The following ARHGAP42 variants were observed in gnomAD, a reference collection of about 807,000 sequenced individuals.
ARHGAP42 encodes the protein rho GTPase-activating protein 42.
ARHGAP42 carries 63 observed loss-of-function variants against 125.0 expected under a neutral mutation model. The ratio of observed to expected loss-of-function variants is 0.50; its 90% CI spans 0.41 to 0.62. The LOEUF is 0.62. ARHGAP42 is among the 20% of genes least tolerant of loss of function. ARHGAP42 has a pLI of 0.00. For missense variants in ARHGAP42, 766 were observed against 1,024.2 expected (o/e 0.75, Z 3.44); for synonymous variants, 339 against 351.0 (o/e 0.97, Z 0.38).
chr11:100,982,430 C>T (rs1858568578), intron 22 of ARHGAP42, among the ~76,000 whole-genome samples: 2 of 152,168 alleles, frequency 1.3e-5, no homozygotes, highest in Non-Finnish European at 1.5e-5. Flanking sequence ...TTCTTATGTA[C>T]ATGAAAGTTT....
chr11:100,793,198 A>G (rs1863612937), intron 2 of ARHGAP42, among the ~76,000 whole-genome samples: 1 of 152,082 alleles, frequency 6.6e-6, no homozygotes, highest in Non-Finnish European at 1.5e-5. Flanking sequence ...CTCACCAACC[A>G]ACAGCTTCAG....
At chr11:100,815,963 G>A (rs748378410) in intron 3 of ARHGAP42, among the ~76,000 whole-genome samples, 3 of 152,120 alleles carry the variant, frequency 2.0e-5, no homozygotes, top group Non-Finnish European at 4.4e-5. Flanking sequence ...CATTCATGTT[G>A]TAGCATGCGT....
intron 4 of ARHGAP42, among the ~76,000 whole-genome samples, chr11:100,872,435 A>G (rs1463791078): frequency 2.0e-5 from 3 of 151,848 alleles, no homozygotes; most frequent in Non-Finnish European, 4.4e-5. Context: ...TCGCTCTGTC[A>G]CCTAGGCTGG....
At chr11:100,983,002 T>C (rs1858581791) in intron 22 of ARHGAP42, among the ~76,000 whole-genome samples, 1 of 152,178 alleles carries the variant, frequency 6.6e-6, no homozygotes, top group South Asian at 2.1e-4. Context: ...AATGTGAAAA[T>C]TAATGAAGAA....
chr11:100,791,176 C>T (rs1863559862), intron 2 of ARHGAP42, among the ~76,000 whole-genome samples: 1 of 152,130 alleles, frequency 6.6e-6, no homozygotes, highest in Non-Finnish European at 1.5e-5. Flanking sequence ...GAAGTTCTAA[C>T]CCTGGCCTCT....
chr11:100,853,116 A>T (rs1865243785), intron 3 of ARHGAP42, among the ~76,000 whole-genome samples: 1 of 152,230 alleles, frequency 6.6e-6, no homozygotes, highest in Admixed American at 6.5e-5. Context: ...TTAAATGCAT[A>T]CATTTTGGTC....
chr11:100,782,933 C>T (rs575703373), intron 2 of ARHGAP42, among the ~76,000 whole-genome samples: 4 of 152,274 alleles, frequency 2.6e-5, no homozygotes, highest in African/African-American at 4.8e-5. Flanking sequence ...TTTAATTCCT[C>T]ACACAAAGCA....
In ARHGAP42 at chr11:100,832,046, C is replaced by T. The variant is rs78665094; in HGVS notation, c.313-27508C>T. Among the ~76,000 whole-genome samples, 355 of 152,342 alleles carry T rather than the reference C, an allele frequency of 2.3e-3. 8 individuals carry two copies. The East Asian group carries it at 0.034, about 15-fold the overall frequency. On this transcript the variant is annotated intron_variant, in intron 3 of 23. Coordinates refer to ENST00000298815, the MANE Select transcript of ARHGAP42 (RefSeq NM_152432.4). ...TGGGTCTGTTTCCCCTTGTGCAGCA[C>T]GTGTGTGCTGGATGATTGGCTCAGT...
At chr11:100,974,352 C>T in intron 18 of ARHGAP42, 107 bp from the exon 19 acceptor site, 2 of 1,038,118 alleles carry the variant, frequency 1.9e-6, no homozygotes, top group Non-Finnish European at 2.7e-6. Flanking sequence ...CTCTAGGATA[C>T]TTATATTTTG....
rs145884787 is a variant in ARHGAP42, at chr11:100,745,821, T to A, written c.155-24522T>A. 8.1e-3 allele frequency among the ~76,000 whole-genome samples: 1,239 copies of A among 152,344 alleles called. 17 individuals carry two copies. The highest frequency in any genetic ancestry group is 0.028 in the African/African-American group (1,167 of 41,582). Reference sequence around the variant, plus strand: ...TCTCTAGTGTAGTTAATAGATCGCTTTTGGTTGTAATAGATGTAGTTTATC... The same window carrying A: ...TCTCTAGTGTAGTTAATAGATCGCTATTGGTTGTAATAGATGTAGTTTATC... On this transcript the variant is annotated intron_variant, in intron 1 of 23. Coordinates refer to ENST00000298815, the MANE Select transcript of ARHGAP42 (RefSeq NM_152432.4).
intron 3 of ARHGAP42, among the ~76,000 whole-genome samples, chr11:100,842,278 C>T (rs1052982737): frequency 1.3e-5 from 2 of 152,126 alleles, no homozygotes; most frequent in African/African-American, 4.8e-5. Flanking sequence ...AGCATTATTA[C>T]CATGTTATCT....
rs572495858 is a variant in ARHGAP42, at chr11:100,853,304, T to C, written c.313-6250T>C. Reference sequence around the variant, plus strand: ...GTTTTTAGCCTCCAATATTAAAGGGTTATAAATGAAAAAGCAGTAATCAGG... The same window carrying C: ...GTTTTTAGCCTCCAATATTAAAGGGCTATAAATGAAAAAGCAGTAATCAGG... On this transcript the variant is annotated intron_variant, in intron 3 of 23. Coordinates refer to ENST00000298815, the MANE Select transcript of ARHGAP42 (RefSeq NM_152432.4). 7.2e-5 allele frequency among the ~76,000 whole-genome samples: 11 copies of C among 152,222 alleles called. No individual in the cohort carries two copies. The South Asian group carries it at 1.9e-3, about 26-fold the overall frequency.
rs527875133 is a variant in ARHGAP42, at chr11:100,773,028, G to A, written c.250+2590G>A. On this transcript the variant is annotated intron_variant, in intron 2 of 23. Transcript: ENST00000298815. The stretch of plus-strand genomic sequence containing the variant: ...ATTTTTGTATTTTTAGTAGAGATGG[G>A]GTTTCCCCATGTTGGCCAAGTTGGT... 4.4e-4 allele frequency among the ~76,000 whole-genome samples: 67 copies of A among 152,186 alleles called. No individual in the cohort carries two copies. In the South Asian group the frequency reaches 9.5e-3, roughly 22 times the overall value.
At chr11:100,808,003 A>C (rs1024940382) in intron 3 of ARHGAP42, among the ~76,000 whole-genome samples, 1 of 152,220 alleles carries the variant, frequency 6.6e-6, no homozygotes, top group Non-Finnish European at 1.5e-5. Context: ...AATGTATATA[A>C]AGTTAGTGTG....
intron 3 of ARHGAP42, among the ~76,000 whole-genome samples, chr11:100,812,898 A>G (rs1864181574): frequency 6.6e-6 from 1 of 152,222 alleles, no homozygotes; most frequent in Non-Finnish European, 1.5e-5. Context: ...GAAGTGTGAC[A>G]TGAACTGATT....
chr11:100,970,275 C>T (rs1565300438), intron 17 of ARHGAP42, among the ~76,000 whole-genome samples: 1 of 152,140 alleles, frequency 6.6e-6, no homozygotes, highest in Non-Finnish European at 1.5e-5. Context: ...AGGTTTGGGT[C>T]ACCGTGCCCA....
At chr11:100,762,170 C>T (rs906822470) in intron 1 of ARHGAP42, among the ~76,000 whole-genome samples, 8 of 152,150 alleles carry the variant, frequency 5.3e-5, no homozygotes, top group Admixed American at 1.3e-4. Flanking sequence ...CACTGCAAAG[C>T]GGGATGCAGA....
chr11:100,769,368 G>A (rs181582828), intron 1 of ARHGAP42, among the ~76,000 whole-genome samples: 1 of 152,168 alleles, frequency 6.6e-6, no homozygotes, highest in African/African-American at 2.4e-5. Context: ...TTAATCACTC[G>A]GTTAGGTTGC....
chr11:100,954,084 C>G (rs1857737737), intron 12 of ARHGAP42, among the ~76,000 whole-genome samples: 1 of 152,122 alleles, frequency 6.6e-6, no homozygotes, highest in African/African-American at 2.4e-5. Context: ...GAGGCAAAAG[C>G]AGTTAACATT....
Sources: gnomAD v4.1 joint callset for allele counts (sites outside exome capture counted in the v4.1 genomes callset) on GRCh38, gnomAD v4.1.1 for gene constraint, MANE v1.5 for transcripts, NCBI Gene and HGNC (gene_info 2026-07-23, HGNC 2026-07-21) for gene names.